KLF7: variants seen among roughly 807,000 people sequenced by gnomAD.
KLF7 encodes the protein Krueppel-like factor 7.
In KLF7, 2 loss-of-function variants were observed where a neutral mutation model predicts 27.3. That is an observed-to-expected ratio of 0.07 (90% CI 0.03 to 0.23). The LOEUF (loss-of-function observed/expected upper bound fraction) is 0.23. Ranked by LOEUF, KLF7 falls within the 10% of genes least tolerant of loss-of-function variation. The pLI is 1.00. For missense variants in KLF7, 221 were observed against 394.1 expected, an observed-to-expected ratio of 0.56 and a Z score of 3.72; for synonymous variants, 165 against 162.4, an observed-to-expected ratio of 1.02 and a Z score of -0.12.
chr2:207,166,298 G>T (rs2106162271), upstream of KLF7: 1 of 471,806 alleles, frequency 2.1e-6, no homozygotes, highest in Non-Finnish European at 2.8e-6. Context: ...TTGGCACGCT[G>T]CGGATCTCCC....
Position 207,153,537 on chromosome 2 carries a change from A to C in KLF7, c.102+11930T>G, listed in dbSNP as rs1038140767. ...GGTTTATTTTGTAATATATTTTTTA[A>C]AGTTAGGTGTTCAAGTTTCCTTCTA... On this transcript the variant is annotated intron_variant, in intron 1 of 3. Transcript: ENST00000309446. Among the ~76,000 whole-genome samples, 70 of 152,326 alleles carry C rather than the reference A, an allele frequency of 4.6e-4. 1 individual carries two copies. Among genetic ancestry groups the C allele is most frequent in the African/African-American group, 1.6e-3 (66 of 41,572 alleles).
chr2:207,149,225 G>C (rs773985752), intron 1 of KLF7: 1 of 1,184,914 alleles, frequency 8.4e-7, no homozygotes, highest in African/African-American at 1.6e-5. Context: ...TTAAAAATCT[G>C]TTAAAAGCAA....
intron 1 of KLF7, among the ~76,000 whole-genome samples, chr2:207,140,486 A>G (rs1291110784): frequency 6.6e-6 from 1 of 152,038 alleles, no homozygotes; most frequent in Non-Finnish European, 1.5e-5. Context: ...TGCAGTGAGG[A>G]AAAAAAAGCA....
At chr2:207,117,583 C>T (rs549059834) in intron 2 of KLF7, among the ~76,000 whole-genome samples, 6 of 152,204 alleles carry the variant, frequency 3.9e-5, no homozygotes, top group South Asian at 2.1e-4. Context: ...GTCTTAAAAT[C>T]GCCCCATTTC....
chr2:207,141,975 C>T (rs1014971222), intron 1 of KLF7, among the ~76,000 whole-genome samples: 1 of 151,876 alleles, frequency 6.6e-6, no homozygotes, highest in African/African-American at 2.4e-5. Flanking sequence ...CCTCCTGCCC[C>T]GCAGTACTCG....
At chr2:207,139,067 C>G (rs2077867715) in intron 1 of KLF7, among the ~76,000 whole-genome samples, 1 of 152,172 alleles carries the variant, frequency 6.6e-6, no homozygotes, top group Non-Finnish European at 1.5e-5. Context: ...TATCCTCACT[C>G]TTTTGAAAGC....
chr2:207,108,324 T>A (rs191168073), intron 2 of KLF7, among the ~76,000 whole-genome samples: 240 of 152,322 alleles, frequency 1.6e-3, no homozygotes, highest in Non-Finnish European at 2.0e-3. Context: ...TATTATCAAA[T>A]TGGGTTGGGG....
At chr2:207,118,764 T>C (rs1186761905) in intron 2 of KLF7, among the ~76,000 whole-genome samples, 4 of 152,250 alleles carry the variant, frequency 2.6e-5, no homozygotes, top group East Asian at 3.8e-4. Flanking sequence ...GTCTGGGACA[T>C]AGCAAGTGCT....
chr2:207,095,258 C>T (rs911617309), intron 2 of KLF7, among the ~76,000 whole-genome samples: 8 of 151,922 alleles, frequency 5.3e-5, no homozygotes, highest in Admixed American at 5.2e-4. Flanking sequence ...CCGTGGTAGC[C>T]AGGATGGTCT....
chr2:207,079,065 GTTTTT>G lies in KLF7; in HGVS notation c.*2143_*2147del, dbSNP rs60899468. 7.0e-6 allele frequency: 1 copy of G among 143,316 alleles called. No individual in the cohort carries two copies. The highest frequency in any genetic ancestry group is 2.6e-5 in the African/African-American group (1 of 38,672). The allele number at this position is 143,316 out of a possible 1,614,324, so 8.9% of individuals were successfully genotyped here. A position where few individuals can be genotyped will look rare whatever the true frequency, so the allele number is the denominator to read the frequency against. On this transcript the variant is annotated 3_prime_UTR_variant, in exon 4 of 4. Coordinates refer to ENST00000309446, the MANE Select transcript of KLF7 (RefSeq NM_003709.4). ...TTTTTTTTTCGTTTTGTATTATTTT[GTTTTT>G]TTTTTTGTTTTTGTTTTTGTTTTTT...
chr2:207,109,498 T>C (rs892808124), intron 2 of KLF7, among the ~76,000 whole-genome samples: 4 of 152,234 alleles, frequency 2.6e-5, no homozygotes, highest in African/African-American at 9.6e-5. Flanking sequence ...TCAGTTCCCT[T>C]ATTTGTACAA....
intron 2 of KLF7, among the ~76,000 whole-genome samples, chr2:207,111,499 G>C: frequency 6.6e-6 from 1 of 152,240 alleles, no homozygotes; most frequent in Non-Finnish European, 1.5e-5. Flanking sequence ...CAGCAGCCCT[G>C]CTGGGGGACT....
chr2:207,092,546 T>G (rs2076535861), intron 2 of KLF7, among the ~76,000 whole-genome samples: 1 of 152,224 alleles, frequency 6.6e-6, no homozygotes. Context: ...AGATGAGGGC[T>G]CGTAAGGAGA....
At chr2:207,151,723 TACACACACACACACAC>T (rs72289250) in intron 1 of KLF7, among the ~76,000 whole-genome samples, 1 of 149,970 alleles carries the variant, frequency 6.7e-6, no homozygotes, top group African/African-American at 2.5e-5. Context: ...TGAAAAATTT[TACACACACACACACAC>T]ACACACACAC....
chr2:207,103,158 C>A (rs2076807228), intron 2 of KLF7, among the ~76,000 whole-genome samples: 1 of 152,190 alleles, frequency 6.6e-6, no homozygotes, highest in Non-Finnish European at 1.5e-5. Flanking sequence ...AAACTCCTGA[C>A]CTCAGGTGAT....
Position 207,074,456 on chromosome 2 carries a change from T to C in KLF7, c.*6757A>G, listed in dbSNP as rs1038390958. 1 of 152,290 alleles carries C rather than the reference T, an allele frequency of 6.6e-6. No homozygotes were observed. The highest frequency in any genetic ancestry group is 1.5e-5 in the Non-Finnish European group (1 of 68,132). 9.4% of individuals were successfully genotyped at this position (152,290 alleles called of 1,614,324 possible). Reference sequence around the variant, plus strand: ...CTTTTCTTTTCAGTTCTGAGAATTTTCCCTGGGGCTTTCATCTCCCTCTCT... The same window carrying C: ...CTTTTCTTTTCAGTTCTGAGAATTTCCCCTGGGGCTTTCATCTCCCTCTCT... On this transcript the variant is annotated 3_prime_UTR_variant, in exon 4 of 4. Coordinates refer to ENST00000309446, the MANE Select transcript of KLF7 (RefSeq NM_003709.4).
chr2:207,114,841 G>C (rs1018699878), intron 2 of KLF7, among the ~76,000 whole-genome samples: 1 of 152,182 alleles, frequency 6.6e-6, no homozygotes, highest in Non-Finnish European at 1.5e-5. Context: ...CAAAATGATT[G>C]ATAGCTTTTA....
intron 2 of KLF7, among the ~76,000 whole-genome samples, chr2:207,122,198 T>G (rs1386922764): frequency 6.6e-6 from 1 of 152,136 alleles, no homozygotes; most frequent in East Asian, 1.9e-4. Context: ...GGTGTGTGTA[T>G]GTGGAGTGGT....
intron 1 of KLF7, among the ~76,000 whole-genome samples, chr2:207,144,277 T>C (rs892895435): frequency 2.7e-4 from 41 of 152,118 alleles, no homozygotes; most frequent in Non-Finnish European, 4.3e-4. Flanking sequence ...GTCAAGGGAC[T>C]AACCTAAGGC....
Sources: allele counts gnomAD v4.1 joint callset (sites outside exome capture counted in the v4.1 genomes callset), GRCh38; gene constraint gnomAD v4.1.1; transcripts MANE v1.5; gene names NCBI Gene and HGNC (gene_info 2026-07-23, HGNC 2026-07-21).